The following DTNB variants were observed in gnomAD, a reference collection of about 807,000 sequenced individuals.
The protein encoded by DTNB is dystrobrevin beta.
A neutral mutation model predicts 90.7 loss-of-function variants in DTNB; 63 were observed. That is an observed-to-expected ratio of 0.69 (90% CI 0.57 to 0.86). DTNB has a LOEUF of 0.86. Ranked by LOEUF, DTNB falls within the 40% of genes least tolerant of loss-of-function variation. The probability of loss-of-function intolerance (pLI) is 0.00; values close to 1 mark genes in which losing one functional copy is unlikely to be tolerated. For synonymous variants in DTNB, 277 were observed against 286.7 expected (o/e 0.97, Z 0.34); for missense variants, 744 against 807.1 (o/e 0.92, Z 0.95).
At chr2:25,420,463 AATCAATCT>A (rs1386406133) in intron 15 of DTNB, among the ~76,000 whole-genome samples, 4 of 142,536 alleles carry the variant, frequency 2.8e-5, no homozygotes, top group South Asian at 2.3e-4. Context: ...CTGTCATCTA[AATCAATCT>A]ATCTATCTAT....
chr2:25,451,653 A>T lies in DTNB; in HGVS notation c.1170-18T>A. ...CCAGAACACTGCCAAGGAAATAAAA[A>T]TGCAACAAGTGTCTATTAAACATCC... On this transcript the variant is annotated intron_variant, in intron 11 of 20. Transcript: ENST00000406818. 6.4e-7 allele frequency: 1 copy of T among 1,560,316 alleles called. No individual in the cohort carries two copies. The highest frequency in any genetic ancestry group is 8.7e-7 in the Non-Finnish European group (1 of 1,149,850).
chr2:25,505,408 CCTT>C (rs1194792928), intron 9 of DTNB, among the ~76,000 whole-genome samples: 4 of 152,104 alleles, frequency 2.6e-5, no homozygotes, highest in African/African-American at 9.7e-5. Context: ...TCATCAAACT[CCTT>C]CTAACTTGAT....
chr2:25,392,552 C>T lies in DTNB; in HGVS notation c.1576-4191G>A, dbSNP rs183158242. 2.8e-4 allele frequency among the ~76,000 whole-genome samples: 42 copies of T among 152,156 alleles called. 1 individual carries two copies. The highest frequency in any genetic ancestry group is 9.2e-4 in the Admixed American group (14 of 15,260). ...AGATCCAAATAAGCTCAAATAGAAA[C>T]GAAACGAGAGCTACTACTACTGATA... On this transcript the variant is annotated intron_variant, in intron 16 of 20. Coordinates refer to ENST00000406818, the MANE Select transcript of DTNB (RefSeq NM_021907.5).
chr2:25,474,855 G>A lies in DTNB; in HGVS notation c.1079+7941C>T, dbSNP rs146992967. On this transcript the variant is annotated intron_variant, in intron 10 of 20. Coordinates refer to ENST00000406818, the MANE Select transcript of DTNB (RefSeq NM_021907.5). ...CTTCTCCATTATTATCATCATATCGGTTATGGTGATCTGTGATCAGTCATC... is the reference window on the plus strand; with the variant it reads ...CTTCTCCATTATTATCATCATATCGATTATGGTGATCTGTGATCAGTCATC... Among the ~76,000 whole-genome samples the A allele has an allele frequency of 3.3e-3, 509 of 152,192 alleles. 3 individuals carry two copies. The highest frequency in any genetic ancestry group is 0.012 in the African/African-American group (491 of 41,506).
chr2:25,613,957 CTAAATAAA>C (rs1440773226), intron 4 of DTNB, among the ~76,000 whole-genome samples: 1 of 152,024 alleles, frequency 6.6e-6, no homozygotes, highest in South Asian at 2.1e-4. Flanking sequence ...GACTCCGTCT[CTAAATAAA>C]TAAATAAATA....
At chr2:25,382,949 G>A (rs539691266) in intron 19 of DTNB, among the ~76,000 whole-genome samples, 7 of 152,122 alleles carry the variant, frequency 4.6e-5, no homozygotes, top group Non-Finnish European at 7.4e-5. Flanking sequence ...ATCATCATAC[G>A]TGAAAATCAT....
At chr2:25,529,226 G>C (rs766367446) in intron 9 of DTNB, among the ~76,000 whole-genome samples, 4 of 152,290 alleles carry the variant, frequency 2.6e-5, no homozygotes, top group Middle Eastern at 6.8e-3. Flanking sequence ...CTTCATTTTT[G>C]ACAATGGTGG....
Position 25,387,745 on chromosome 2 carries a change from C to T in DTNB, c.1736-367G>A, listed in dbSNP as rs150977379. Among the ~76,000 whole-genome samples, 1,317 of 152,302 alleles carry T rather than the reference C, an allele frequency of 8.6e-3. 30 individuals are homozygous for T. The highest frequency in any genetic ancestry group is 0.037 in the Admixed American group (559 of 15,296). On this transcript the variant is annotated intron_variant, in intron 17 of 20. Coordinates refer to ENST00000406818, the MANE Select transcript of DTNB (RefSeq NM_021907.5). The surrounding 1 kb of genome is among the most constrained non-coding windows in gnomAD (Gnocchi z 4.5). The stretch of plus-strand genomic sequence containing the variant: ...ACCACCTCCCCTTCTCACCTCCAGC[C>T]CCAGCAGGACTTCCCTCTGAATCCC...
At chr2:25,495,293 T>C (rs551731693) in intron 9 of DTNB, among the ~76,000 whole-genome samples, 22 of 152,310 alleles carry the variant, frequency 1.4e-4, no homozygotes, top group African/African-American at 4.3e-4. Context: ...CTCGAACTCC[T>C]GGGCTCAAGT....
intron 1 of DTNB, among the ~76,000 whole-genome samples, chr2:25,670,008 A>G (rs2085455537): frequency 6.6e-6 from 1 of 152,208 alleles, no homozygotes; most frequent in South Asian, 2.1e-4. Context: ...TTATGAAGTA[A>G]AACGCATACC....
chr2:25,472,072 A>C (rs2062917248), intron 10 of DTNB, among the ~76,000 whole-genome samples: 1 of 152,226 alleles, frequency 6.6e-6, no homozygotes, highest in Non-Finnish European at 1.5e-5. Flanking sequence ...AGGAAGTACT[A>C]ATTAAGGGGC....
At chr2:25,445,337 A>C (rs533144963) in intron 12 of DTNB, among the ~76,000 whole-genome samples, 1 of 152,226 alleles carries the variant, frequency 6.6e-6, no homozygotes, top group South Asian at 2.1e-4. Context: ...TTTTTCTTCT[A>C]TTCTGTTCCA....
chr2:25,673,350 C>G (rs2086574628), intron 1 of DTNB, 36 bp downstream of exon 1: 1 of 151,220 alleles, frequency 6.6e-6, no homozygotes, highest in African/African-American at 2.4e-5. Flanking sequence ...CCCAGCTCGT[C>G]TCCCCACAGC....
intron 8 of DTNB, among the ~76,000 whole-genome samples, chr2:25,543,555 C>T (rs886175414): frequency 1.3e-5 from 2 of 152,108 alleles, no homozygotes; most frequent in African/African-American, 2.4e-5. Flanking sequence ...CTGCCCACTT[C>T]GGCCACCTAA....
intron 10 of DTNB, among the ~76,000 whole-genome samples, chr2:25,474,534 A>G (rs6737282): frequency 0.77 from 117,155 of 152,104 alleles, 45,876 homozygotes; most frequent in African/African-American, 0.92. Flanking sequence ...CAACATCTCT[A>G]TTGTCCTTGG....
intron 9 of DTNB, among the ~76,000 whole-genome samples, chr2:25,509,577 C>CGTA (rs1468093394): frequency 6.6e-6 from 1 of 151,992 alleles, no homozygotes; most frequent in Non-Finnish European, 1.5e-5. Flanking sequence ...CTTGGAAGAT[C>CGTA]GTATTCCACT....
intron 6 of DTNB, among the ~76,000 whole-genome samples, chr2:25,585,887 T>C (rs1339005329): frequency 2.6e-5 from 4 of 152,226 alleles, no homozygotes; most frequent in Non-Finnish European, 5.9e-5. Flanking sequence ...GGGCAGTCTT[T>C]CAATTATTTT....
At chr2:25,502,447 C>G (rs72851465) in intron 9 of DTNB, among the ~76,000 whole-genome samples, 1,967 of 152,178 alleles carry the variant, frequency 0.013, 47 homozygotes, top group African/African-American at 0.044. Flanking sequence ...GATGTCCAGA[C>G]TGGGGCTTGG....
intron 9 of DTNB, among the ~76,000 whole-genome samples, chr2:25,506,270 A>G (rs565805349): frequency 6.6e-6 from 1 of 152,336 alleles, no homozygotes; most frequent in South Asian, 2.1e-4. Context: ...TGTATTGTAT[A>G]TTTCAAAATA....
Sources: gnomAD v4.1 joint callset for allele counts (sites outside exome capture counted in the v4.1 genomes callset) on GRCh38, gnomAD v4.1.1 for gene constraint, Gnocchi (gnomAD v3.1) non-coding constraint, MANE v1.5 for transcripts, NCBI Gene and HGNC (gene_info 2026-07-23, HGNC 2026-07-21) for gene names.